The following TAFA5 variants were observed in gnomAD, a reference collection of about 807,000 sequenced individuals.
The protein encoded by TAFA5 is chemokine-like protein TAFA-5.
Under a neutral mutation model 15.3 loss-of-function variants are expected in TAFA5, and 6 were observed. The observed-to-expected ratio is 0.39, with a 90% CI of 0.21 to 0.77. The LOEUF (loss-of-function observed/expected upper bound fraction) is 0.77, where lower values mean the gene tolerates loss of function less well. TAFA5 is among the 30% of genes least tolerant of loss of function. The pLI is 0.41. For synonymous variants in TAFA5, 103 were observed against 80.7 expected (o/e 1.28, Z -1.48); for missense variants, 161 against 193.1 (o/e 0.83, Z 0.98).
intron 1 of TAFA5, among the ~76,000 whole-genome samples, chr22:48,494,389 G>C (rs554718565): frequency 6.6e-6 from 1 of 152,334 alleles, no homozygotes; most frequent in Non-Finnish European, 1.5e-5. Context: ...GTCAGCGATG[G>C]TCCAGCCCCA....
intron 1 of TAFA5, among the ~76,000 whole-genome samples, chr22:48,611,628 C>T (rs921826299): frequency 1.3e-5 from 2 of 152,118 alleles, no homozygotes; most frequent in African/African-American, 2.4e-5. Flanking sequence ...TCAGAGATGT[C>T]GCCCCTTTGG....
intron 3 of TAFA5, among the ~76,000 whole-genome samples, chr22:48,747,047 G>A (rs578084490): frequency 1.3e-5 from 2 of 152,306 alleles, no homozygotes; most frequent in East Asian, 1.9e-4. Flanking sequence ...CTAGGAGGGC[G>A]GAGGGCAGGG....
chr22:48,518,225 CTG>C (rs1921483416), intron 1 of TAFA5, among the ~76,000 whole-genome samples: 2 of 152,210 alleles, frequency 1.3e-5, no homozygotes, highest in African/African-American at 4.8e-5. Context: ...ATCTGGGTGT[CTG>C]GACCTGGGGT....
At chr22:48,647,441 G>A (rs1003424568) in intron 2 of TAFA5, among the ~76,000 whole-genome samples, 1 of 152,150 alleles carries the variant, frequency 6.6e-6, no homozygotes, top group Non-Finnish European at 1.5e-5. Context: ...GAACTCTGCT[G>A]TGTCTATGCT....
chr22:48,751,686 G>C lies in TAFA5; in HGVS notation c.*1839G>C, dbSNP rs1195103637. 6.6e-6 allele frequency: 1 copy of C among 152,262 alleles called. No individual in the cohort carries two copies. Among genetic ancestry groups the C allele is most frequent in the African/African-American group, 2.4e-5 (1 of 41,412 alleles). The allele number at this position is 152,262 out of a possible 1,614,324, so 9.4% of individuals were successfully genotyped here. On this transcript the variant is annotated 3_prime_UTR_variant, in exon 4 of 4. Transcript: ENST00000402357. Reference sequence around the variant, plus strand: ...GGTTGGGTTTGTCATCACAGAGGGGGTGGGCCTGGAAAGGGTCCTTCCCAA... The same window carrying C: ...GGTTGGGTTTGTCATCACAGAGGGGCTGGGCCTGGAAAGGGTCCTTCCCAA...
intron 1 of TAFA5, among the ~76,000 whole-genome samples, chr22:48,627,446 C>T (rs1266486244): frequency 6.6e-6 from 1 of 152,226 alleles, no homozygotes; most frequent in Non-Finnish European, 1.5e-5. Flanking sequence ...GGGCCAGTGC[C>T]AGGGGTCGCG....
At chr22:48,581,969 G>A (rs1924062674) in intron 1 of TAFA5, among the ~76,000 whole-genome samples, 1 of 152,118 alleles carries the variant, frequency 6.6e-6, no homozygotes, top group African/African-American at 2.4e-5. Flanking sequence ...GCACGCAGCT[G>A]TGGGTCTGCG....
chr22:48,505,733 C>T (rs1410760722), intron 1 of TAFA5, among the ~76,000 whole-genome samples: 1 of 152,172 alleles, frequency 6.6e-6, no homozygotes, highest in Non-Finnish European at 1.5e-5. Context: ...TCCTGGTGGG[C>T]CAGCATCCCT....
rs1239351095 is a variant in TAFA5 at position 48,507,244 on chromosome 22, GGCC to G, written c.112+17541_112+17543del. On this transcript the variant is annotated intron_variant, in intron 1 of 3. Transcript: ENST00000402357. ...GGAGGAGAAGGAGACAGTCATCAAG[GGCC>G]AGGTGTGCAGTTGGAGGAGAAGGAG... Among the ~76,000 whole-genome samples the G allele has an allele frequency of 2.6e-3, 398 of 151,308 alleles. 11 individuals are homozygous for G. In the East Asian group the frequency reaches 0.041, roughly 16 times the overall value.
intron 3 of TAFA5, among the ~76,000 whole-genome samples, chr22:48,728,300 C>G (rs1929766531): frequency 6.6e-6 from 1 of 152,178 alleles, no homozygotes; most frequent in Admixed American, 6.5e-5. Flanking sequence ...CCAGGACTTT[C>G]TTATAATTTA....
At chr22:48,734,522 C>T (rs1328976649) in intron 3 of TAFA5, among the ~76,000 whole-genome samples, 8 of 152,158 alleles carry the variant, frequency 5.3e-5, no homozygotes, top group Non-Finnish European at 2.9e-5. Flanking sequence ...AGGAGAGGAG[C>T]CGTCTGGGCT....
chr22:48,634,626 C>T (rs775480756), intron 1 of TAFA5, among the ~76,000 whole-genome samples: 3 of 152,150 alleles, frequency 2.0e-5, no homozygotes, highest in Non-Finnish European at 2.9e-5. Context: ...CTCATTGACA[C>T]ACTCGGTCAT....
intron 2 of TAFA5, among the ~76,000 whole-genome samples, chr22:48,660,918 A>T (rs1483479716): frequency 1.4e-5 from 2 of 143,434 alleles, no homozygotes; most frequent in Non-Finnish European, 3.0e-5. Flanking sequence ...TCGGAGACCC[A>T]GGGCCGGCTG....
chr22:48,646,425 C>G (rs932690048), intron 1 of TAFA5, among the ~76,000 whole-genome samples, 172 bp from the exon 2 acceptor site: 1 of 152,248 alleles, frequency 6.6e-6, no homozygotes, highest in Non-Finnish European at 1.5e-5. Flanking sequence ...CCATCGAGCG[C>G]TCCTTGCTGG....
chr22:48,616,021 C>T (rs73173456), intron 1 of TAFA5, among the ~76,000 whole-genome samples: 27,254 of 152,150 alleles, frequency 0.18, 2,652 homozygotes, highest in Non-Finnish European at 0.22. Flanking sequence ...CAGGCACGTC[C>T]CTACTGGTTC....
At chr22:48,548,555 C>T (rs1922754539) in intron 1 of TAFA5, among the ~76,000 whole-genome samples, 1 of 152,178 alleles carries the variant, frequency 6.6e-6, no homozygotes, top group Admixed American at 6.5e-5. Context: ...ACCCCAGGCT[C>T]CAGGCTCTGG....
At chr22:48,684,863 G>T (rs748679252) in intron 2 of TAFA5, among the ~76,000 whole-genome samples, 2 of 152,232 alleles carry the variant, frequency 1.3e-5, no homozygotes, top group Non-Finnish European at 2.9e-5. Context: ...TCCCAGAGGA[G>T]CTTCCCAGAG....
intron 1 of TAFA5, among the ~76,000 whole-genome samples, chr22:48,586,489 C>T (rs1200571663): frequency 6.6e-6 from 1 of 152,182 alleles, no homozygotes; most frequent in East Asian, 1.9e-4. Flanking sequence ...AGGACTTCCA[C>T]GGGGGTCCCC....
At chr22:48,664,757 G>A (rs369352060) in intron 2 of TAFA5, among the ~76,000 whole-genome samples, 21 of 152,132 alleles carry the variant, frequency 1.4e-4, no homozygotes, top group Non-Finnish European at 2.5e-4. Context: ...AGAGCCGCCC[G>A]TGCTGTCATG....
Sources: gnomAD v4.1 joint callset for allele counts (sites outside exome capture counted in the v4.1 genomes callset) on GRCh38, gnomAD v4.1.1 for gene constraint, MANE v1.5 for transcripts, NCBI Gene and HGNC (gene_info 2026-07-23, HGNC 2026-07-21) for gene names.